Variants in LDAH observed in about 807,000 individuals in gnomAD.
LDAH encodes lipid droplet-associated hydrolase.
LDAH carries 26 observed loss-of-function variants against 29.6 expected under a neutral mutation model. The ratio of observed to expected loss-of-function variants is 0.88; its 90% CI spans 0.64 to 1.22. The LOEUF (loss-of-function observed/expected upper bound fraction) is 1.22. Ranked by LOEUF, LDAH falls within the 50% of genes most tolerant of loss-of-function variation. LDAH has a pLI of 0.00. For synonymous variants in LDAH, 117 were observed against 133.0 expected (o/e 0.88, Z 0.83); for missense variants, 344 against 387.3 (o/e 0.89, Z 0.94).
chr2:20,715,554 T>G (rs1665114654), intron 5 of LDAH, among the ~76,000 whole-genome samples: 1 of 152,064 alleles, frequency 6.6e-6, no homozygotes, highest in South Asian at 2.1e-4. Flanking sequence ...GAGAAAGAAA[T>G]AAAGGGTATT....
intron 4 of LDAH, among the ~76,000 whole-genome samples, chr2:20,758,605 G>T (rs1208534127): frequency 6.6e-6 from 1 of 152,038 alleles, no homozygotes; most frequent in Non-Finnish European, 1.5e-5. Context: ...TATAATATAG[G>T]GTAGAATATA....
chr2:20,811,530 GC>G (rs1385754075), intron 1 of LDAH, among the ~76,000 whole-genome samples: 1 of 151,532 alleles, frequency 6.6e-6, no homozygotes, highest in Non-Finnish European at 1.5e-5. Flanking sequence ...TGTCGCCCAG[GC>G]TGGAGTGCAG....
chr2:20,746,092 A>T (rs188324811), intron 4 of LDAH, among the ~76,000 whole-genome samples: 3 of 152,356 alleles, frequency 2.0e-5, no homozygotes, highest in African/African-American at 7.2e-5. Flanking sequence ...CTTGAAGAAG[A>T]GAGCAGTTCA....
chr2:20,767,036 G>C (rs1340381953), intron 4 of LDAH, among the ~76,000 whole-genome samples: 2 of 152,232 alleles, frequency 1.3e-5, no homozygotes, highest in Non-Finnish European at 2.9e-5. Flanking sequence ...GTGCGCACTG[G>C]GCAGGGCCAC....
At chr2:20,819,217 T>C in intron 1 of LDAH, among the ~76,000 whole-genome samples, 1 of 112,936 alleles carries the variant, frequency 8.9e-6, no homozygotes, top group East Asian at 1.9e-4. Context: ...ACACACACAA[T>C]TTTTTTTTAA....
At chr2:20,812,667 T>A (rs1187011404) in intron 1 of LDAH, among the ~76,000 whole-genome samples, 1 of 151,940 alleles carries the variant, frequency 6.6e-6, no homozygotes, top group Non-Finnish European at 1.5e-5. Flanking sequence ...ATCAGCAAAA[T>A]AAAAAGGAAC....
At chr2:20,694,772 TG>T (rs1663310350) in intron 6 of LDAH, among the ~76,000 whole-genome samples, 1 of 152,178 alleles carries the variant, frequency 6.6e-6, no homozygotes, top group Non-Finnish European at 1.5e-5. Flanking sequence ...CTCCAGTAGC[TG>T]GAACAACCAT....
chr2:20,718,483 T>C (rs879785110), intron 5 of LDAH, among the ~76,000 whole-genome samples: 3 of 152,134 alleles, frequency 2.0e-5, no homozygotes, highest in African/African-American at 4.8e-5. Flanking sequence ...TAAATATATA[T>C]GTACCTAACA....
intron 2 of LDAH, among the ~76,000 whole-genome samples, chr2:20,792,025 T>C (rs1670997249): frequency 6.6e-6 from 1 of 152,154 alleles, no homozygotes; most frequent in African/African-American, 2.4e-5. Context: ...GCAAATCCCT[T>C]CCCTTTTTCT....
At chr2:20,811,769 C>A (rs1672520524) in intron 1 of LDAH, among the ~76,000 whole-genome samples, 1 of 152,126 alleles carries the variant, frequency 6.6e-6, no homozygotes, top group Admixed American at 6.5e-5. Context: ...CAGGTATGAG[C>A]CACCTCACCT....
rs181287024 is a variant in LDAH, at chr2:20,797,695, T to A, written c.154+3615A>T. Among the ~76,000 whole-genome samples the A allele has an allele frequency of 3.3e-5, 5 of 152,070 alleles. No individual in the cohort carries two copies. The East Asian group carries it at 9.7e-4, about 29-fold the overall frequency. On this transcript the variant is annotated intron_variant, in intron 2 of 6. Coordinates refer to ENST00000237822, the MANE Select transcript of LDAH (RefSeq NM_021925.4). ...TTAAACATGAATGGATAGTCAAGGATTGCCAGACATTTGAGGAAAACTAAA... is the reference window on the plus strand; with the variant it reads ...TTAAACATGAATGGATAGTCAAGGAATGCCAGACATTTGAGGAAAACTAAA...
At chr2:20,696,605 T>C (rs999830643) in intron 6 of LDAH, among the ~76,000 whole-genome samples, 10 of 152,172 alleles carry the variant, frequency 6.6e-5, no homozygotes, top group Admixed American at 3.9e-4. Context: ...CAGTTTAGAA[T>C]TCCCCCCCTA....
chr2:20,797,595 TA>T (rs1292321909), intron 2 of LDAH, among the ~76,000 whole-genome samples: 2 of 152,184 alleles, frequency 1.3e-5, no homozygotes, highest in African/African-American at 4.8e-5. Context: ...CTAGGATGGC[TA>T]ATCACCCTAG....
intron 4 of LDAH, among the ~76,000 whole-genome samples, chr2:20,754,916 C>T (rs1668225117): frequency 6.6e-6 from 1 of 152,078 alleles, no homozygotes; most frequent in African/African-American, 2.4e-5. Context: ...CTATCAAGGA[C>T]ATTAGTGGGC....
At chr2:20,822,238 C>T (rs1191611247) in intron 1 of LDAH, among the ~76,000 whole-genome samples, 3 of 152,074 alleles carry the variant, frequency 2.0e-5, no homozygotes, top group Admixed American at 1.3e-4. Context: ...CATTCTCCTG[C>T]TTCAGTCTCC....
rs1663708112 is a variant in LDAH at position 20,698,949 on chromosome 2, A to G, written c.786+2621T>C. 6.6e-6 allele frequency among the ~76,000 whole-genome samples: 1 copy of G among 152,328 alleles called. No homozygotes were observed. Among genetic ancestry groups the G allele is most frequent in the South Asian group, 2.1e-4 (1 of 4,832 alleles). ...TTGTGTCAAATGGAAATCCAGTGGT[A>G]GAAAATTTGGATTTAGAACCAAAGC... On this transcript the variant is annotated intron_variant, in intron 6 of 6. Transcript: ENST00000237822. This position sits in a 1 kb window ranked among gnomAD's most constrained non-coding sequence, Gnocchi z 4.4.
intron 1 of LDAH, among the ~76,000 whole-genome samples, chr2:20,801,930 ATGTG>A (rs35921690): frequency 0.018 from 2,484 of 140,174 alleles, 60 homozygotes; most frequent in African/African-American, 0.06. Context: ...CCCAAATTCT[ATGTG>A]TGTGTGTGTG....
chr2:20,733,676 TTACATGCA>T (rs1327652362), intron 5 of LDAH, among the ~76,000 whole-genome samples: 5 of 151,982 alleles, frequency 3.3e-5, no homozygotes, highest in African/African-American at 1.2e-4. Flanking sequence ...AGTGCTGGGA[TTACATGCA>T]TGAGCCACAG....
intron 1 of LDAH, among the ~76,000 whole-genome samples, chr2:20,813,415 A>G (rs2125150427): frequency 6.6e-6 from 1 of 152,316 alleles, no homozygotes; most frequent in Non-Finnish European, 1.5e-5. Context: ...GCCAAGTCAA[A>G]GAGTTTATAT....
Sources: gnomAD v4.1 joint callset for allele counts (sites outside exome capture counted in the v4.1 genomes callset) on GRCh38, gnomAD v4.1.1 for gene constraint, Gnocchi (gnomAD v3.1) non-coding constraint, MANE v1.5 for transcripts, NCBI Gene and HGNC (gene_info 2026-07-23, HGNC 2026-07-21) for gene names.